Variants in CPT1A observed in about 807,000 individuals in gnomAD.
CPT1A encodes the protein carnitine palmitoyltransferase 1A.
CPT1A carries 64 observed loss-of-function variants against 100.8 expected under a neutral mutation model. The observed-to-expected ratio is 0.63, with a 90% CI of 0.52 to 0.78. The LOEUF (loss-of-function observed/expected upper bound fraction) is 0.78, where lower values mean the gene tolerates loss of function less well. Ranked by LOEUF, CPT1A falls within the 30% of genes least tolerant of loss-of-function variation. The pLI, the probability that CPT1A is intolerant of heterozygous loss-of-function variation, is 0.00. For missense variants in CPT1A, 802 were observed against 1,034.1 expected (o/e 0.78, Z 3.08); for synonymous variants, 363 against 396.0 (o/e 0.92, Z 0.99).
intron 1 of CPT1A, among the ~76,000 whole-genome samples, chr11:68,829,497 A>T (rs1706070891): frequency 1.3e-5 from 2 of 152,228 alleles, no homozygotes; most frequent in South Asian, 4.1e-4. Context: ...AAGTTCAAGG[A>T]TGGCTAGAGG....
intron 1 of CPT1A, among the ~76,000 whole-genome samples, chr11:68,838,232 C>G (rs562248675): frequency 1.3e-5 from 2 of 151,938 alleles, no homozygotes; most frequent in Non-Finnish European, 2.9e-5. Flanking sequence ...CTGTTAACTT[C>G]CAAAGACGTT....
chr11:68,833,909 C>G (rs1479786275), intron 1 of CPT1A, among the ~76,000 whole-genome samples: 1 of 151,890 alleles, frequency 6.6e-6, no homozygotes, highest in Non-Finnish European at 1.5e-5. Context: ...CGAGCGTGAC[C>G]TTGAACTCCT....
intron 6 of CPT1A, among the ~76,000 whole-genome samples, chr11:68,798,337 C>T (rs534812615): frequency 1.3e-5 from 2 of 152,360 alleles, no homozygotes; most frequent in South Asian, 2.1e-4. Context: ...GTGCAGCCAG[C>T]GAATATGCCC....
chr11:68,842,039 G>A (rs1373025579), upstream of CPT1A: 13 of 896,192 alleles, frequency 1.5e-5, no homozygotes, highest in African/African-American at 1.8e-5. Flanking sequence ...ACTGAGGCTC[G>A]AGCGGGTGCT....
chr11:68,766,817 A>G (rs1454196015), intron 14 of CPT1A, among the ~76,000 whole-genome samples: 1 of 129,086 alleles, frequency 7.7e-6, no homozygotes, highest in Non-Finnish European at 1.7e-5. Flanking sequence ...GTGACACTCT[A>G]TCAAGGAGGA....
rs1334583151 is a variant in CPT1A at position 68,756,086 on chromosome 11, T to C, written c.*1558A>G. 9.3e-6 allele frequency: 1 copy of C among 107,054 alleles called. No individual in the cohort carries two copies. Among genetic ancestry groups the C allele is most frequent in the African/African-American group, 3.8e-5 (1 of 26,574 alleles). 6.6% of individuals were successfully genotyped at this position (107,054 alleles called of 1,614,324 possible). A position where few individuals can be genotyped will look rare whatever the true frequency, so the allele number is the denominator to read the frequency against. On this transcript the variant is annotated 3_prime_UTR_variant, in exon 19 of 19. Coordinates refer to ENST00000265641, the MANE Select transcript of CPT1A (RefSeq NM_001876.4). ...GAGATTGCACCACTGCACTCCAGCC[T>C]GGGCAACAAGAGTGAAACTCCATCT... is the stretch of plus-strand genomic sequence containing the variant.
intron 15 of CPT1A, among the ~76,000 whole-genome samples, chr11:68,762,321 C>G (rs1854650088): frequency 6.6e-6 from 1 of 152,264 alleles, no homozygotes. Context: ...AGTTCCAAAG[C>G]AGCCACCTGC....
chr11:68,770,930 T>G (rs1414957092), intron 14 of CPT1A, among the ~76,000 whole-genome samples: 2 of 152,228 alleles, frequency 1.3e-5, no homozygotes, highest in East Asian at 3.8e-4. Context: ...GCTGGAGCCC[T>G]CAGGCAAGAT....
In CPT1A at chr11:68,775,802, C is replaced by G. The variant is rs566202000; in HGVS notation, c.1459-370G>C. ...CAAGAACTGTGTTTTGTGAACAAAACAGACAAGAATTCTTGCCCTTCCTTA... is the reference window on the plus strand; with the variant it reads ...CAAGAACTGTGTTTTGTGAACAAAAGAGACAAGAATTCTTGCCCTTCCTTA... On this transcript the variant is annotated intron_variant, in intron 12 of 18. Transcript: ENST00000265641. Among the ~76,000 whole-genome samples the G allele has an allele frequency of 4.2e-3, 646 of 152,334 alleles. 5 individuals carry two copies. Among genetic ancestry groups the G allele is most frequent in the African/African-American group, 0.015 (610 of 41,576 alleles).
chr11:68,801,682 C>G (rs1855906443), intron 5 of CPT1A, among the ~76,000 whole-genome samples: 1 of 151,134 alleles, frequency 6.6e-6, no homozygotes, highest in Admixed American at 6.6e-5. Flanking sequence ...CCAACAGGGA[C>G]TCAGTAACCA....
rs773729150 is a variant in CPT1A at position 68,773,317 on chromosome 11, C to T, written c.1688G>A (p.Arg563His). 6.2e-6 allele frequency: 10 copies of T among 1,613,964 alleles called. No individual in the cohort carries two copies. Among genetic ancestry groups the T allele is most frequent in the South Asian group, 1.1e-5 (1 of 91,086 alleles). Residue 563 changes from arginine to histidine, a missense_variant, in exon 14 of 19, where the codon CGC becomes CAC. Arg to His is a conservative substitution (Grantham distance 29). Coordinates refer to ENST00000265641, the MANE Select transcript of CPT1A (RefSeq NM_001876.4). ...CTGCACAAAGGCGTCTGGGCTCGTG[C>T]GACATTTCTTGATGATTCCTTTACC... ...AFGKGIIKKC[R>H]TSPDAFVQLA...
rs563338783 is a variant in CPT1A, at chr11:68,780,730, C to T, written c.1368G>A (p.Ser456=). ...CGTTTTTGAAGACAACAAACGTGAA[C>T]GACTTGTCAAACCACCTACGTGAAA... ...GRCYDRWFDK[S]FTFVVFKNGK... Residue 456 remains serine, a synonymous_variant, in exon 12 of 19, where the codon TCG becomes TCA. Transcript: ENST00000265641. 15 of 1,614,120 alleles carry T rather than the reference C, an allele frequency of 9.3e-6. No homozygotes were observed. The highest frequency in any genetic ancestry group is 3.3e-5 in the South Asian group (3 of 91,086).
chr11:68,809,322 A>G (rs938851708), intron 3 of CPT1A, among the ~76,000 whole-genome samples: 2 of 152,214 alleles, frequency 1.3e-5, no homozygotes, highest in African/African-American at 4.8e-5. Context: ...AAAAATAAAA[A>G]TATTTTAGCA....
chr11:68,765,874 TA>T (rs1363469912), intron 14 of CPT1A, among the ~76,000 whole-genome samples: 8 of 148,074 alleles, frequency 5.4e-5, no homozygotes, highest in African/African-American at 1.8e-4. Flanking sequence ...CGGGAGGGGC[TA>T]CCTTTTTTTT....
At chr11:68,822,102 G>T (rs1243413350) in intron 1 of CPT1A, among the ~76,000 whole-genome samples, 1 of 152,102 alleles carries the variant, frequency 6.6e-6, no homozygotes, top group East Asian at 1.9e-4. Flanking sequence ...TACTGGCCTG[G>T]CACCGTGGCT....
chr11:68,777,319 A>G (rs1450563508), intron 12 of CPT1A, among the ~76,000 whole-genome samples: 1 of 152,134 alleles, frequency 6.6e-6, no homozygotes, highest in Non-Finnish European at 1.5e-5. Flanking sequence ...GGTCCCAGCT[A>G]CTCGGGAGGC....
At chr11:68,768,192 C>G (rs1854873686) in intron 14 of CPT1A, among the ~76,000 whole-genome samples, 1 of 150,738 alleles carries the variant, frequency 6.6e-6, no homozygotes, top group African/African-American at 2.4e-5. Context: ...TCTCCTGCCT[C>G]AGCCTCCCGA....
At chr11:68,787,942 CAAAAA>C (rs58079850) in intron 9 of CPT1A, among the ~76,000 whole-genome samples, 1 of 45,666 alleles carries the variant, frequency 2.2e-5, no homozygotes, top group African/African-American at 7.9e-5. Flanking sequence ...GACTCAGTCT[CAAAAA>C]AAAAAAAAAA....
chr11:68,780,769 A>G lies in CPT1A; in HGVS notation c.1353-24T>C, dbSNP rs545149834. ...ACCTACGTGAAACACACATGTGTGG[A>G]ACTTAAGTGTTTAAAGAGGCAACAA... On this transcript the variant is annotated intron_variant, in intron 11 of 18. Transcript: ENST00000265641. The G allele has an allele frequency of 9.1e-5, 146 of 1,598,712 alleles. 3 individuals carry two copies. The South Asian group carries it at 1.5e-3, about 17-fold the overall frequency.
Sources: allele counts gnomAD v4.1 joint callset (sites outside exome capture counted in the v4.1 genomes callset), GRCh38; gene constraint gnomAD v4.1.1; transcripts MANE v1.5; gene names NCBI Gene and HGNC (gene_info 2026-07-23, HGNC 2026-07-21).